ZNF497: variants seen among roughly 807,000 people sequenced by gnomAD.
The protein encoded by ZNF497 is zinc finger protein 497, also known as zinc finger-like protein.
For synonymous variants in ZNF497, 422 were observed against 313.7 expected (o/e 1.35, Z -3.65); for missense variants, 930 against 714.0 (o/e 1.30, Z -3.45).
chr19:58,359,250 T>C (rs2052064745), intron 1 of ZNF497: 1 of 1,290,350 alleles, frequency 7.7e-7, no homozygotes, highest in South Asian at 1.2e-5. Flanking sequence ...GATGCCTCAC[T>C]CATCTGGGCA....
In ZNF497 at chr19:58,356,579, T is replaced by C; in HGVS notation, c.1057A>G (p.Thr353Ala). The C allele has an allele frequency of 3.2e-6, 5 of 1,547,638 alleles. No homozygotes were observed. Among genetic ancestry groups the C allele is most frequent in the Non-Finnish European group, 4.3e-6 (5 of 1,151,482 alleles). Residue 353 changes from threonine (T) to alanine (A), a missense_variant, in exon 3 of 3, where the codon ACG becomes GCG. Transcript: ENST00000311044. ...SYLAEHRRVH[T>A]GEKPHACAQC... Reference sequence around the variant, plus strand: ...GCGCACGCATGAGGCTTCTCGCCCGTGTGCACGCGCCGGTGCTCCGCCAGG... The same window carrying C: ...GCGCACGCATGAGGCTTCTCGCCCGCGTGCACGCGCCGGTGCTCCGCCAGG...
At position 58,357,417 on chromosome 19, in the gene ZNF497, C is replaced by T. The variant is rs774153693; in HGVS notation, c.219G>A (p.Glu73=). Residue 73 remains glutamate, a synonymous_variant, in exon 3 of 3, where the codon GAG becomes GAA. Transcript: ENST00000311044. ...CCCGCCCACCGTCTGCGGGGCCCAGCTCCCTGCCGGGGCCTCCCTGTTCGT... is the reference window on the plus strand; with the variant it reads ...CCCGCCCACCGTCTGCGGGGCCCAGTTCCCTGCCGGGGCCTCCCTGTTCGT... ...AADEQGGPGR[E]LGPADGGRDG... is the part of the protein sequence containing the mutation. 4 of 1,600,796 alleles carry T rather than the reference C, an allele frequency of 2.5e-6. No individual in the cohort carries two copies. Among genetic ancestry groups the T allele is most frequent in the Non-Finnish European group, 3.4e-6 (4 of 1,174,376 alleles).
chr19:58,358,780 C>A (rs2052057650), intron 1 of ZNF497, 195 bp from the exon 2 acceptor site: 2 of 458,286 alleles, frequency 4.4e-6, no homozygotes, highest in South Asian at 1.5e-5. Context: ...CCACCTGTCA[C>A]CATCACTTTC....
chr19:58,355,398 C>A lies in ZNF497; in HGVS notation c.*741G>T, dbSNP rs1186945092. 1 of 152,208 alleles carries A rather than the reference C, an allele frequency of 6.6e-6. No homozygotes were observed. Among genetic ancestry groups the A allele is most frequent in the Non-Finnish European group, 1.5e-5 (1 of 68,072 alleles). 9.4% of individuals were successfully genotyped at this position (152,208 alleles called of 1,614,324 possible). On this transcript the variant is annotated 3_prime_UTR_variant, in exon 3 of 3. Transcript: ENST00000311044. ...TAGTGACGCAAGTCTGTCATCCCAG[C>A]TGCTTGGGAGGCTGAGGTGGGAGGA...
intron 1 of ZNF497, chr19:58,358,876 C>A (rs750135226): frequency 2.2e-6 from 1 of 456,634 alleles, no homozygotes; most frequent in South Asian, 1.6e-5. Flanking sequence ...GGAAGCACAC[C>A]CAGCCCCCAG....
At position 58,357,354 on chromosome 19, in the gene ZNF497, C is replaced by A; in HGVS notation, c.282G>T (p.Ala94=). Residue 94 remains alanine (A), a synonymous_variant, in exon 3 of 3, where the codon GCG becomes GCT. Coordinates refer to ENST00000311044, the MANE Select transcript of ZNF497 (RefSeq NM_198458.3). ...CCTCTGGGAGAGGCGAAGGGCGCAA[C>A]GCCCGGTCTGCAGGCTCGCTCCTGG... ...AGPRSEPADR[A]LRPSPLPEEP... The A allele has an allele frequency of 6.3e-7, 1 of 1,595,308 alleles. No individual in the cohort carries two copies. The highest frequency in any genetic ancestry group is 8.5e-7 in the Non-Finnish European group (1 of 1,171,966).
chr19:58,356,067 C>G lies in ZNF497; in HGVS notation c.*72G>C. 2 of 1,439,692 alleles carry G rather than the reference C, an allele frequency of 1.4e-6. No individual in the cohort carries two copies. Among genetic ancestry groups the G allele is most frequent in the Non-Finnish European group, 1.8e-6 (2 of 1,098,530 alleles). 89.2% of individuals were successfully genotyped at this position (1,439,692 alleles called of 1,614,324 possible). A position where few individuals can be genotyped will look rare whatever the true frequency, so the allele number is the denominator to read the frequency against. On this transcript the variant is annotated 3_prime_UTR_variant, in exon 3 of 3. Coordinates refer to ENST00000311044, the MANE Select transcript of ZNF497 (RefSeq NM_198458.3). Reference sequence around the variant, plus strand: ...GGCGGCCCGAAAAAGTCTGGGCCAGCAGACAGCGCACTCACGCCCGAGACC... The same window carrying G: ...GGCGGCCCGAAAAAGTCTGGGCCAGGAGACAGCGCACTCACGCCCGAGACC...
rs758864563 is a variant in ZNF497, at chr19:58,358,562, C to G, written c.-88G>C. On this transcript the variant is annotated 5_prime_UTR_variant, in exon 2 of 3. Coordinates refer to ENST00000311044, the MANE Select transcript of ZNF497 (RefSeq NM_198458.3). ...CCTCCTCTGTCCTGGGGACCAGCTCCTCTTGGGGCCTGGGGGCTGGCACCT... is the reference window on the plus strand; with the variant it reads ...CCTCCTCTGTCCTGGGGACCAGCTCGTCTTGGGGCCTGGGGGCTGGCACCT... 1 of 1,189,182 alleles carries G rather than the reference C, an allele frequency of 8.4e-7. No individual in the cohort carries two copies. Among genetic ancestry groups the G allele is most frequent in the African/African-American group, 1.6e-5 (1 of 62,578 alleles). 73.7% of individuals were successfully genotyped at this position (1,189,182 alleles called of 1,614,324 possible). A position where few individuals can be genotyped will look rare whatever the true frequency, so the allele number is the denominator to read the frequency against.
In ZNF497 at chr19:58,356,545, C is replaced by T; in HGVS notation, c.1091G>A (p.Gly364Asp). The change falls in exon 3 of 3, where the codon GGC (glycine) becomes GAC (aspartate). Residue 364 changes from glycine to aspartate, a missense_variant. Coordinates refer to ENST00000311044, the MANE Select transcript of ZNF497 (RefSeq NM_198458.3). The part of the protein sequence containing the change: ...GEKPHACAQC[G>D]KAFSQRSNLL... ...GTTGGAGCGCTGGCTGAAGGCCTTG[C>T]CGCACTGGGCGCACGCATGAGGCTT... The T allele has an allele frequency of 5.2e-6, 8 of 1,547,880 alleles. No homozygotes were observed. Among genetic ancestry groups the T allele is most frequent in the African/African-American group, 4.1e-5 (3 of 73,314 alleles).
Position 58,357,256 on chromosome 19 carries a change from A to T in ZNF497, c.380T>A (p.Val127Glu). The change falls in exon 3 of 3, where the codon GTG becomes GAG. Residue 127 changes from valine to glutamate, a missense_variant. Coordinates refer to ENST00000311044, the MANE Select transcript of ZNF497 (RefSeq NM_198458.3). ...CGTGTACGGCTTCTCGCCTGTGTGC[A>T]CGCGCCGATGCTGCAGCAAGTAAGA... ...QGSYLLQHRRVHTGEKPYTCP... is the reference protein window; with the variant it reads ...QGSYLLQHRREHTGEKPYTCP... The T allele has an allele frequency of 6.2e-7, 1 of 1,612,790 alleles. No homozygotes were observed. Among genetic ancestry groups the T allele is most frequent in the Non-Finnish European group, 8.5e-7 (1 of 1,179,720 alleles).
intron 1 of ZNF497, among the ~76,000 whole-genome samples, chr19:58,361,085 G>A (rs974939973): frequency 5.3e-5 from 8 of 151,926 alleles, no homozygotes; most frequent in Admixed American, 2.6e-4. Context: ...CCCGGCCGGT[G>A]GGCCGGTCCT....
In ZNF497 at chr19:58,356,532, G is replaced by A. The variant is rs769554678; in HGVS notation, c.1104C>T (p.Ser368=). 1.3e-6 allele frequency: 2 copies of A among 1,549,968 alleles called. No individual in the cohort carries two copies. The highest frequency in any genetic ancestry group is 8.7e-7 in the Non-Finnish European group (1 of 1,152,880). ...HACAQCGKAF[S]QRSNLLSHRR... ...GGTGGCTCAGTAGGTTGGAGCGCTG[G>A]CTGAAGGCCTTGCCGCACTGGGCGC... Residue 368 remains serine, a synonymous_variant, in exon 3 of 3, where the codon AGC becomes AGT. Coordinates refer to ENST00000311044, the MANE Select transcript of ZNF497 (RefSeq NM_198458.3).
rs775677005 is a variant in ZNF497, at chr19:58,356,783, G to A, written c.853C>T (p.Arg285Cys). Residue 285 changes from arginine (R) to cysteine (C), a missense_variant, in exon 3 of 3, where the codon CGT becomes TGT. Arg to Cys is a radical substitution (Grantham distance 180). Coordinates refer to ENST00000311044, the MANE Select transcript of ZNF497 (RefSeq NM_198458.3). ...ACPDCGKAFV[R>C]VAGLRQHRRT... ...CGGTGCTGCCGCAGCCCCGCCACAC[G>A]CACGAAGGCCTTGCCGCAGTCGGGA... 46 of 1,575,966 alleles carry A rather than the reference G, an allele frequency of 2.9e-5. No homozygotes were observed. Among genetic ancestry groups the A allele is most frequent in the Non-Finnish European group, 3.8e-5 (44 of 1,167,722 alleles).
chr19:58,358,612 G>C (rs923981900), intron 1 of ZNF497, 27 bp from the exon 2 acceptor site: 4 of 1,148,448 alleles, frequency 3.5e-6, no homozygotes, highest in Non-Finnish European at 1.1e-6. Flanking sequence ...AGCAGGGCAG[G>C]GTGAGGTGTT....
In ZNF497 at chr19:58,356,373, C is replaced by T. The variant is rs764809459; in HGVS notation, c.1263G>A (p.Lys421=). ...GCAGCTCGGAGCTGCCGCGGAAGGC[C>T]TTGCCGCATTCTGCGCAGGCGAAGG... ...ERPFACAECG[K]AFRGSSELRQ... The change falls in exon 3 of 3, where the codon AAG becomes AAA. Residue 421 remains lysine (K), a synonymous_variant. Transcript: ENST00000311044. The T allele has an allele frequency of 6.4e-7, 1 of 1,566,926 alleles. No individual in the cohort carries two copies. Among genetic ancestry groups the T allele is most frequent in the Non-Finnish European group, 8.6e-7 (1 of 1,160,150 alleles).
In ZNF497 at chr19:58,357,557, T is replaced by C. The variant is rs878956938; in HGVS notation, c.79A>G (p.Arg27Gly). 1.2e-6 allele frequency: 2 copies of C among 1,602,148 alleles called. No individual in the cohort carries two copies. The highest frequency in any genetic ancestry group is 2.2e-5 in the South Asian group (2 of 89,748). ...QVLCNVKTAT[R>G]GLSEGAVSGG... ...GACACAGCCCCCTCAGAGAGGCCCC[T>C]CGTGGCAGTCTTCACATTGCAGAGG... is the stretch of plus-strand genomic sequence containing the variant. Residue 27 changes from arginine (R) to glycine (G), a missense_variant, in exon 3 of 3, where the codon AGG (arginine) becomes GGG (glycine). Transcript: ENST00000311044.
Position 58,356,814 on chromosome 19 carries a change from G to A in ZNF497, c.822C>T (p.His274=). The change falls in exon 3 of 3, where the codon CAC becomes CAT. Residue 274 remains histidine (H), a synonymous_variant. Transcript: ENST00000311044. ...HLKIHAGARP[H]ACPDCGKAFV... is the part of the protein sequence containing the mutation. ...AGGCCTTGCCGCAGTCGGGACAGGC[G>A]TGTGGCCGTGCGCCCGCGTGGATCT... is the stretch of plus-strand genomic sequence containing the variant. The A allele has an allele frequency of 1.9e-6, 3 of 1,572,106 alleles. No homozygotes were observed. Among genetic ancestry groups the A allele is most frequent in the Non-Finnish European group, 2.6e-6 (3 of 1,165,078 alleles).
intron 1 of ZNF497, chr19:58,359,169 C>G (rs1346239162): frequency 7.7e-7 from 1 of 1,290,662 alleles, no homozygotes; most frequent in Admixed American, 2.3e-5. Context: ...AAGCACTGGC[C>G]AGGGCTCTTG....
At position 58,357,094 on chromosome 19, in the gene ZNF497, T is replaced by C; in HGVS notation, c.542A>G (p.Gln181Arg). The C allele has an allele frequency of 6.2e-7, 1 of 1,607,938 alleles. No homozygotes were observed. Residue 181 changes from glutamine (Q) to arginine (R), a missense_variant, in exon 3 of 3, where the codon CAG becomes CGG. Transcript: ENST00000311044. ...GGGCTTCAGGCCGCTGTGTGTCTCC[T>C]GGTGGTGGATGAGCTGCGAGTGCGC... ...FRAHSQLIHHQETHSGLKPFR... is the reference protein window; with the variant it reads ...FRAHSQLIHHRETHSGLKPFR...
Sources: gnomAD v4.1 joint callset for allele counts (sites outside exome capture counted in the v4.1 genomes callset) on GRCh38, gnomAD v4.1.1 for gene constraint, MANE v1.5 for transcripts, NCBI Gene and HGNC (gene_info 2026-07-23, HGNC 2026-07-21) for gene names.